Variants in EFCAB11 observed in about 807,000 individuals in gnomAD.
EFCAB11 encodes the protein EF-hand calcium binding domain 11.
Under a neutral mutation model 23.0 loss-of-function variants are expected in EFCAB11, and 14 were observed. The observed-to-expected ratio is 0.61, with a 90% CI of 0.40 to 0.95. The LOEUF (loss-of-function observed/expected upper bound fraction) is 0.95, where lower values mean the gene tolerates loss of function less well. Ranked by LOEUF, EFCAB11 falls within the 40% of genes least tolerant of loss-of-function variation. The pLI, the probability that EFCAB11 is intolerant of heterozygous loss-of-function variation, is 0.00. For missense variants in EFCAB11, 198 were observed against 195.8 expected, an observed-to-expected ratio of 1.01 and a Z score of -0.07; for synonymous variants, 65 against 66.6, an observed-to-expected ratio of 0.98 and a Z score of 0.11.
At chr14:89,941,064 T>C (rs1890775100) in intron 3 of EFCAB11, among the ~76,000 whole-genome samples, 1 of 152,174 alleles carries the variant, frequency 6.6e-6, no homozygotes, top group African/African-American at 2.4e-5. Context: ...CAAAATTCAC[T>C]ACTGCATTTA....
intron 5 of EFCAB11, among the ~76,000 whole-genome samples, chr14:89,798,858 C>A (rs980181392): frequency 6.6e-6 from 1 of 152,188 alleles, no homozygotes; most frequent in Middle Eastern, 3.2e-3. Flanking sequence ...GTGATCTTGG[C>A]TCACTGCGAC....
At chr14:89,954,043 GTTTATT>G (rs777932040) in intron 1 of EFCAB11, 42 bp from the exon 2 acceptor site, 3 of 1,546,386 alleles carry the variant, frequency 1.9e-6, no homozygotes, top group Admixed American at 1.7e-5. Context: ...GACAGAAATG[GTTTATT>G]TTTATTACTA....
chr14:89,905,236 T>C lies in EFCAB11; in HGVS notation c.410+26305A>G, dbSNP rs533008686. On this transcript the variant is annotated intron_variant, in intron 5 of 5. Transcript: ENST00000316738. ...ATCTCTTAAGTCAATGAAGTCAATA[T>C]GTGAGATATTTACTATAGTTACCAT... Among the ~76,000 whole-genome samples the C allele has an allele frequency of 1.1e-3, 160 of 152,322 alleles. 1 individual carries two copies. Among genetic ancestry groups the C allele is most frequent in the African/African-American group, 3.6e-3 (149 of 41,574 alleles).
chr14:89,800,724 T>C (rs1566762869), intron 5 of EFCAB11, among the ~76,000 whole-genome samples: 1 of 152,100 alleles, frequency 6.6e-6, no homozygotes, highest in Non-Finnish European at 1.5e-5. Flanking sequence ...AGACCTGGAA[T>C]TGATTTTGGG....
intron 3 of EFCAB11, among the ~76,000 whole-genome samples, chr14:89,943,906 T>C (rs1444257966): frequency 6.6e-6 from 1 of 152,178 alleles, no homozygotes; most frequent in Non-Finnish European, 1.5e-5. Flanking sequence ...CTGTATTCTT[T>C]CTTCCAGAAT....
At chr14:89,933,443 C>T (rs1375269374) in intron 3 of EFCAB11, among the ~76,000 whole-genome samples, 1 of 152,194 alleles carries the variant, frequency 6.6e-6, no homozygotes, top group Non-Finnish European at 1.5e-5. Context: ...AGCCTCCAAA[C>T]ATACAATAAC....
intron 5 of EFCAB11, among the ~76,000 whole-genome samples, chr14:89,910,993 A>G (rs990258354): frequency 1.3e-5 from 2 of 152,240 alleles, no homozygotes; most frequent in Non-Finnish European, 1.5e-5. Flanking sequence ...TTGTTTTAAT[A>G]ATTAACAAAG....
At chr14:89,944,145 G>A (rs1890885476) in intron 3 of EFCAB11, among the ~76,000 whole-genome samples, 1 of 152,228 alleles carries the variant, frequency 6.6e-6, no homozygotes, top group African/African-American at 2.4e-5. Context: ...ACAAAAGAAA[G>A]AGGTTTAATG....
At chr14:89,826,461 T>A (rs953128690) in intron 5 of EFCAB11, among the ~76,000 whole-genome samples, 9 of 146,656 alleles carry the variant, frequency 6.1e-5, no homozygotes, top group Non-Finnish European at 9.1e-5. Context: ...GAGGTTAGAT[T>A]TTTTTTTTTT....
intron 5 of EFCAB11, among the ~76,000 whole-genome samples, chr14:89,912,058 C>T (rs972030370): frequency 6.6e-6 from 1 of 152,170 alleles, no homozygotes; most frequent in Admixed American, 6.5e-5. Context: ...GAGAATTGTT[C>T]TAGAACACGC....
At chr14:89,905,930 G>A (rs969455727) in intron 5 of EFCAB11, among the ~76,000 whole-genome samples, 6 of 152,188 alleles carry the variant, frequency 3.9e-5, no homozygotes, top group African/African-American at 7.2e-5. Flanking sequence ...TATCACTGAC[G>A]AAACAGAAAG....
intron 5 of EFCAB11, chr14:89,836,481 A>C (rs1287435397): frequency 2.2e-6 from 1 of 446,846 alleles, no homozygotes; most frequent in Non-Finnish European, 4.5e-6. Flanking sequence ...GGGGATGTGG[A>C]TTAAGCATGG....
chr14:89,833,609 A>C (rs1886959723), intron 5 of EFCAB11, among the ~76,000 whole-genome samples: 1 of 152,218 alleles, frequency 6.6e-6, no homozygotes. Flanking sequence ...TGTGGCACTC[A>C]AGTTCTGAGT....
chr14:89,834,369 C>G (rs948640424), intron 5 of EFCAB11, among the ~76,000 whole-genome samples: 1 of 100,722 alleles, frequency 9.9e-6, no homozygotes, highest in African/African-American at 4.0e-5. Flanking sequence ...GAGTGAGACT[C>G]CGTCTCAAAA....
chr14:89,907,157 A>G (rs1889524142), intron 5 of EFCAB11, among the ~76,000 whole-genome samples: 1 of 152,190 alleles, frequency 6.6e-6, no homozygotes, highest in African/African-American at 2.4e-5. Context: ...ACTGACCAAC[A>G]GCCCCTGCAC....
intron 5 of EFCAB11, among the ~76,000 whole-genome samples, chr14:89,814,018 T>C (rs893439677): frequency 6.6e-6 from 1 of 151,680 alleles, no homozygotes; most frequent in Non-Finnish European, 1.5e-5. Flanking sequence ...CACTCTTTAG[T>C]AATAAATATA....
At chr14:89,860,307 T>C (rs936584750) in intron 5 of EFCAB11, among the ~76,000 whole-genome samples, 1 of 152,078 alleles carries the variant, frequency 6.6e-6, no homozygotes, top group Non-Finnish European at 1.5e-5. Context: ...GAGGTTGCAG[T>C]GAGCCGAGAT....
chr14:89,927,510 C>T (rs923355707), intron 5 of EFCAB11, among the ~76,000 whole-genome samples: 4 of 152,092 alleles, frequency 2.6e-5, no homozygotes, highest in Admixed American at 2.6e-4. Flanking sequence ...GCTACTCAAG[C>T]GTCTCAAAAA....
At chr14:89,948,082 TATC>T (rs891505558) in intron 3 of EFCAB11, among the ~76,000 whole-genome samples, 17 of 151,994 alleles carry the variant, frequency 1.1e-4, no homozygotes, top group Admixed American at 6.6e-4. Context: ...GAAAACCTAG[TATC>T]ATTTTTTGAA....
Sources: gnomAD v4.1 joint callset for allele counts (sites outside exome capture counted in the v4.1 genomes callset) on GRCh38, gnomAD v4.1.1 for gene constraint, MANE v1.5 for transcripts, NCBI Gene and HGNC (gene_info 2026-07-23, HGNC 2026-07-21) for gene names.